Variants in GRID2 observed in about 807,000 individuals in gnomAD.
The protein encoded by GRID2 is glutamate ionotropic receptor delta type subunit 2, also known as glutamate receptor ionotropic, delta-2.
In GRID2, 33 loss-of-function variants were observed where a neutral mutation model predicts 114.8. The ratio of observed to expected loss-of-function variants is 0.29; its 90% CI spans 0.22 to 0.38. GRID2 has a LOEUF of 0.38. Ranked by LOEUF, GRID2 falls within the 10% of genes least tolerant of loss-of-function variation. The probability of loss-of-function intolerance (pLI) is 1.00; values close to 1 mark genes in which losing one functional copy is unlikely to be tolerated. For synonymous variants in GRID2, 505 were observed against 449.9 expected (o/e 1.12, Z -1.55); for missense variants, 1,184 against 1,257.7 (o/e 0.94, Z 0.89).
chr4:93,012,675 T>TTA (rs2149233983), intron 2 of GRID2, among the ~76,000 whole-genome samples: 1 of 150,518 alleles, frequency 6.6e-6, no homozygotes, highest in South Asian at 2.1e-4. Context: ...ACTATAAGGA[T>TTA]AAAAAAAAAC....
chr4:93,409,910 A>G (rs1024604599), intron 9 of GRID2, among the ~76,000 whole-genome samples: 8 of 152,222 alleles, frequency 5.3e-5, no homozygotes, highest in Non-Finnish European at 1.5e-5. Context: ...ACTTCTGAAA[A>G]CAGATTTATT....
At chr4:92,921,313 A>G (rs186012213) in intron 2 of GRID2, among the ~76,000 whole-genome samples, 1 of 152,064 alleles carries the variant, frequency 6.6e-6, no homozygotes, top group East Asian at 1.9e-4. Flanking sequence ...TTTAGTGCAG[A>G]GTAGTTTGAT....
At chr4:93,376,164 G>A (rs1172819683) in intron 8 of GRID2, among the ~76,000 whole-genome samples, 1 of 152,118 alleles carries the variant, frequency 6.6e-6, no homozygotes, top group Non-Finnish European at 1.5e-5. Context: ...GTGAGGTACT[G>A]GGGGTTAGGG....
chr4:92,589,081 A>T (rs1728591243), intron 1 of GRID2, among the ~76,000 whole-genome samples: 1 of 152,176 alleles, frequency 6.6e-6, no homozygotes, highest in Non-Finnish European at 1.5e-5. Context: ...ACTCTAGCCT[A>T]GGCGACAGAA....
rs749582786 is a variant in GRID2 at position 92,896,142 on chromosome 4, ACT to A, written c.245-188852_245-188851del. ...CTGAGGTTTATACAATTCCATAAGT[ACT>A]AAAAAGAGAAGTTTTTTAAAAAGTC... On this transcript the variant is annotated intron_variant, in intron 2 of 15. Coordinates refer to ENST00000282020, the MANE Select transcript of GRID2 (RefSeq NM_001510.4). Among the ~76,000 whole-genome samples the A allele has an allele frequency of 2.6e-4, 39 of 152,346 alleles. No individual in the cohort carries two copies. In the South Asian group the frequency reaches 8.1e-3, roughly 32 times the overall value.
intron 2 of GRID2, among the ~76,000 whole-genome samples, chr4:92,613,912 T>G (rs1481541153): frequency 6.6e-6 from 1 of 151,516 alleles, no homozygotes; most frequent in Non-Finnish European, 1.5e-5. Flanking sequence ...ACTTTTTTAC[T>G]TGGCACATGA....
chr4:92,375,629 C>A (rs1199113409), intron 1 of GRID2, among the ~76,000 whole-genome samples: 2 of 151,666 alleles, frequency 1.3e-5, no homozygotes, highest in Admixed American at 6.6e-5. Flanking sequence ...TCATGTTGAA[C>A]ACATTTTTTT....
At chr4:92,622,817 TA>T (rs1461860324) in intron 2 of GRID2, among the ~76,000 whole-genome samples, 1 of 151,790 alleles carries the variant, frequency 6.6e-6, no homozygotes, top group African/African-American at 2.4e-5. Flanking sequence ...AAAATGGGGA[TA>T]AAAATACCTA....
chr4:92,750,331 C>T (rs995499794), intron 2 of GRID2, among the ~76,000 whole-genome samples: 2 of 152,144 alleles, frequency 1.3e-5, no homozygotes, highest in African/African-American at 4.8e-5. Flanking sequence ...AAATCTTTAC[C>T]AGCTTTTTAC....
chr4:92,980,301 G>C (rs567162550), intron 2 of GRID2, among the ~76,000 whole-genome samples: 26 of 151,482 alleles, frequency 1.7e-4, no homozygotes, highest in African/African-American at 6.0e-4. Context: ...TGCACTTGAG[G>C]TTCAGAAAAA....
intron 14 of GRID2, among the ~76,000 whole-genome samples, chr4:93,733,209 TAC>T (rs1730639613): frequency 6.6e-6 from 1 of 152,196 alleles, no homozygotes; most frequent in Non-Finnish European, 1.5e-5. Context: ...CAGCTATATG[TAC>T]ACACTGATAT....
chr4:93,432,059 A>G (rs1463381140), intron 10 of GRID2, among the ~76,000 whole-genome samples: 1 of 152,228 alleles, frequency 6.6e-6, no homozygotes, highest in Non-Finnish European at 1.5e-5. Context: ...TGATGGGGAC[A>G]TGTATTATGT....
chr4:93,671,995 TAAAA>T (rs1044989025), intron 14 of GRID2, among the ~76,000 whole-genome samples: 1 of 150,402 alleles, frequency 6.6e-6, no homozygotes. Context: ...AATGATAAAA[TAAAA>T]AAATATAATA....
At chr4:93,517,953 ATATG>A (rs1341809436) in intron 13 of GRID2, among the ~76,000 whole-genome samples, 5 of 41,750 alleles carry the variant, frequency 1.2e-4, no homozygotes, top group African/African-American at 2.5e-4. Flanking sequence ...ACATACATGT[ATATG>A]TATGTATATA....
chr4:92,347,354 G>A (rs765239675), intron 1 of GRID2, among the ~76,000 whole-genome samples: 4 of 152,186 alleles, frequency 2.6e-5, no homozygotes, highest in Admixed American at 6.5e-5. Flanking sequence ...CCTCCATATT[G>A]TGGTATGGCA....
intron 2 of GRID2, among the ~76,000 whole-genome samples, chr4:92,989,340 G>A (rs923240236): frequency 1.3e-5 from 2 of 149,626 alleles, no homozygotes; most frequent in Admixed American, 6.7e-5. Context: ...ATATGTGTGT[G>A]CATGTTTATG....
At chr4:92,632,802 C>A (rs542370158) in intron 2 of GRID2, among the ~76,000 whole-genome samples, 1 of 152,010 alleles carries the variant, frequency 6.6e-6, no homozygotes, top group Admixed American at 6.6e-5. Flanking sequence ...ACCATGACTA[C>A]AAATTATACA....
chr4:93,242,840 AG>A (rs1277095444), intron 8 of GRID2, among the ~76,000 whole-genome samples: 4 of 152,096 alleles, frequency 2.6e-5, no homozygotes, highest in African/African-American at 9.6e-5. Flanking sequence ...CGGAGTTCTG[AG>A]GTCAATATAG....
intron 2 of GRID2, among the ~76,000 whole-genome samples, chr4:92,869,332 A>C (rs1055649165): frequency 6.6e-6 from 1 of 152,232 alleles, no homozygotes; most frequent in Non-Finnish European, 1.5e-5. Flanking sequence ...AGCTTTTAGC[A>C]GTCATATGTG....
Sources: gnomAD v4.1 joint callset for allele counts (sites outside exome capture counted in the v4.1 genomes callset) on GRCh38, gnomAD v4.1.1 for gene constraint, MANE v1.5 for transcripts, NCBI Gene and HGNC (gene_info 2026-07-23, HGNC 2026-07-21) for gene names.